RBFOX1: variants seen among roughly 807,000 people sequenced by gnomAD.
RBFOX1 encodes RNA binding protein fox-1 homolog 1.
RBFOX1 carries 8 observed loss-of-function variants against 57.7 expected under a neutral mutation model. The ratio of observed to expected loss-of-function variants is 0.14; its 90% confidence interval spans 0.08 to 0.25. RBFOX1 has a LOEUF of 0.25. Among genes scored for constraint, RBFOX1 ranks in the 10% least tolerant of loss-of-function variants. RBFOX1 has a pLI of 1.00. For missense variants in RBFOX1, 611 were observed against 548.5 expected (o/e 1.11, Z -1.14); for synonymous variants, 326 against 222.4 (o/e 1.47, Z -4.15).
intron 3 of RBFOX1, among the ~76,000 whole-genome samples, chr16:6,850,523 G>C (rs1016656730): frequency 6.6e-6 from 1 of 152,044 alleles, no homozygotes; most frequent in African/African-American, 2.4e-5. Context: ...GAGGAAGTTG[G>C]AGGAAGAAAC....
At chr16:7,590,005 C>G (rs1430691516) in intron 7 of RBFOX1, among the ~76,000 whole-genome samples, 1 of 150,338 alleles carries the variant, frequency 6.7e-6, no homozygotes, top group Non-Finnish European at 1.5e-5. Flanking sequence ...GTGTCTCATA[C>G]CTAACATTCT....
intron 1 of RBFOX1, among the ~76,000 whole-genome samples, chr16:5,345,908 C>A (rs1013401069): frequency 2.0e-5 from 3 of 152,212 alleles, no homozygotes; most frequent in Non-Finnish European, 4.4e-5. Context: ...AGAAGCTCCC[C>A]AACCATATTG....
rs879328473 is a variant in RBFOX1 at position 5,664,959 on chromosome 16, T to TTTA, written c.318+65998_318+65999insTTA. Among the ~76,000 whole-genome samples, 16 of 151,984 alleles carry TTTA rather than the reference T, an allele frequency of 1.1e-4. No homozygotes were observed. The East Asian group carries it at 3.1e-3, about 29-fold the overall frequency. On this transcript the variant is annotated intron_variant, in intron 3 of 19. Coordinates refer to the RBFOX1 transcript ENST00000641259. Reference sequence around the variant, plus strand: ...TTGTTATCTCTGCTCTTTTTTTTTTTATCGAGATAGGGTCTTGTTCTGCCA... The same window carrying TTTA: ...TTGTTATCTCTGCTCTTTTTTTTTTTTTAATCGAGATAGGGTCTTGTTCTGCCA...
intron 3 of RBFOX1, among the ~76,000 whole-genome samples, chr16:7,010,146 A>G (rs1298104311): frequency 1.3e-5 from 2 of 152,232 alleles, no homozygotes; most frequent in African/African-American, 2.4e-5. Flanking sequence ...TGATCATTCC[A>G]GGAGGGGTGA....
chr16:5,758,148 C>A (rs1455781773), intron 3 of RBFOX1, among the ~76,000 whole-genome samples: 1 of 152,232 alleles, frequency 6.6e-6, no homozygotes, highest in African/African-American at 2.4e-5. Context: ...CCAGGAAAGA[C>A]TCCACTAATT....
chr16:6,289,836 A>G (rs1415614205), intron 1 of RBFOX1, among the ~76,000 whole-genome samples: 3 of 152,330 alleles, frequency 2.0e-5, no homozygotes, highest in South Asian at 4.1e-4. Context: ...AATTGAATGA[A>G]TAATACAAAG....
intron 3 of RBFOX1, among the ~76,000 whole-genome samples, chr16:5,651,290 T>A (rs1402555577): frequency 6.6e-6 from 1 of 152,074 alleles, no homozygotes; most frequent in Non-Finnish European, 1.5e-5. Context: ...TGGCCTCACG[T>A]GACCCACCTG....
chr16:6,556,557 T>C (rs1225828483), intron 2 of RBFOX1, among the ~76,000 whole-genome samples: 1 of 152,212 alleles, frequency 6.6e-6, no homozygotes, highest in African/African-American at 2.4e-5. Context: ...ATTCACTGGG[T>C]ATTCCATTAT....
At chr16:5,316,176 C>A (rs576428371) in intron 1 of RBFOX1, among the ~76,000 whole-genome samples, 1 of 152,236 alleles carries the variant, frequency 6.6e-6, no homozygotes, top group South Asian at 2.1e-4. Flanking sequence ...ACCTAGTTAA[C>A]TCGTGTTCAT....
intron 3 of RBFOX1, among the ~76,000 whole-genome samples, chr16:5,606,590 A>C (rs1171168463): frequency 6.6e-6 from 1 of 152,166 alleles, no homozygotes; most frequent in African/African-American, 2.4e-5. Context: ...CATATGAATA[A>C]GACTCAAACC....
chr16:7,416,438 C>G (rs1002158220), intron 4 of RBFOX1, among the ~76,000 whole-genome samples: 1 of 152,146 alleles, frequency 6.6e-6, no homozygotes, highest in Admixed American at 6.5e-5. Context: ...TCACCCCCAA[C>G]CTCTGCTGAT....
At chr16:7,060,087 G>A (rs940660483) in intron 4 of RBFOX1, among the ~76,000 whole-genome samples, 1 of 152,066 alleles carries the variant, frequency 6.6e-6, no homozygotes, top group Non-Finnish European at 1.5e-5. Context: ...ATCAAACCCA[G>A]AATTGATACC....
At chr16:6,739,684 T>C (rs1240523769) in intron 3 of RBFOX1, among the ~76,000 whole-genome samples, 3 of 151,948 alleles carry the variant, frequency 2.0e-5, no homozygotes, top group Non-Finnish European at 4.4e-5. Flanking sequence ...CGAGACCAGC[T>C]TGGCCAACAT....
intron 2 of RBFOX1, among the ~76,000 whole-genome samples, chr16:6,407,567 G>GTGTGTGTGTC (rs67151505): frequency 0.38 from 55,329 of 144,826 alleles, 11,397 homozygotes; most frequent in Non-Finnish European, 0.45. Flanking sequence ...GTGTGTGTGT[G>GTGTGTGTGTC]ACAGAGAGAG....
At chr16:7,192,484 C>G (rs374119640) in intron 4 of RBFOX1, among the ~76,000 whole-genome samples, 1 of 152,132 alleles carries the variant, frequency 6.6e-6, no homozygotes, top group South Asian at 2.1e-4. Flanking sequence ...AAGTACTTAG[C>G]AAGCACTCTT....
intron 2 of RBFOX1, among the ~76,000 whole-genome samples, chr16:5,514,459 G>T (rs1333851816): frequency 6.6e-6 from 1 of 152,220 alleles, no homozygotes; most frequent in African/African-American, 2.4e-5. Flanking sequence ...TCATCATAAG[G>T]CCAGCCCAGA....
intron 2 of RBFOX1, among the ~76,000 whole-genome samples, chr16:6,564,326 G>C (rs973564675): frequency 6.6e-6 from 1 of 152,104 alleles, no homozygotes; most frequent in African/African-American, 2.4e-5. Flanking sequence ...ATACAGTGGA[G>C]TATTATTCAG....
intron 1 of RBFOX1, among the ~76,000 whole-genome samples, chr16:6,311,769 T>A (rs549378063): frequency 3.9e-4 from 60 of 152,282 alleles, no homozygotes; most frequent in African/African-American, 1.4e-3. Flanking sequence ...GTCACTGGAT[T>A]CCCATGGGGA....
intron 6 of RBFOX1, among the ~76,000 whole-genome samples, chr16:7,582,606 G>A (rs534160193): frequency 1.3e-5 from 2 of 152,308 alleles, no homozygotes; most frequent in South Asian, 2.1e-4. Context: ...CTGCACTGGA[G>A]CTTAGGGAAT....
Sources: gnomAD v4.1 joint callset for allele counts (sites outside exome capture counted in the v4.1 genomes callset) on GRCh38, gnomAD v4.1.1 for gene constraint, MANE v1.5 for transcripts, NCBI Gene and HGNC (gene_info 2026-07-23, HGNC 2026-07-21) for gene names.